The following SNAP91 variants were observed in gnomAD, a reference collection of about 807,000 sequenced individuals.
SNAP91 encodes the protein synaptosome associated protein 91.
In SNAP91, 27 loss-of-function variants were observed where a neutral mutation model predicts 100.3. The ratio of observed to expected loss-of-function variants is 0.27; its 90% CI spans 0.20 to 0.37. The LOEUF is 0.37. Ranked by LOEUF, SNAP91 falls within the 10% of genes least tolerant of loss-of-function variation. The pLI, the probability that SNAP91 is intolerant of heterozygous loss-of-function variation, is 1.00. For synonymous variants in SNAP91, 404 were observed against 398.6 expected (o/e 1.01, Z -0.16); for missense variants, 986 against 1,123.7 (o/e 0.88, Z 1.75).
chr6:83,706,138 A>C (rs1376191783), intron 2 of SNAP91, among the ~76,000 whole-genome samples: 1 of 152,234 alleles, frequency 6.6e-6, no homozygotes, highest in Admixed American at 6.5e-5. Flanking sequence ...ATGATGTTTT[A>C]ATGAAATGTT....
chr6:83,611,104 TG>T (rs2096028330), intron 11 of SNAP91, among the ~76,000 whole-genome samples: 1 of 151,956 alleles, frequency 6.6e-6, no homozygotes, highest in Non-Finnish European at 1.5e-5. Flanking sequence ...CAACACCCAG[TG>T]GTTTAAATCA....
At chr6:83,602,202 C>A (rs962945237) in intron 14 of SNAP91, among the ~76,000 whole-genome samples, 1 of 152,080 alleles carries the variant, frequency 6.6e-6, no homozygotes, top group Non-Finnish European at 1.5e-5. Context: ...GGGTTCATCA[C>A]CAGCCTGTAG....
Position 83,641,095 on chromosome 6 carries a change from C to T in SNAP91, c.765+1G>A. The T allele has an allele frequency of 6.8e-7, 1 of 1,478,162 alleles. No individual in the cohort carries two copies. 91.6% of individuals were successfully genotyped at this position (1,478,162 alleles called of 1,614,324 possible). On this transcript the variant is annotated splice_donor_variant, in intron 8 of 29. Coordinates refer to ENST00000369694, the MANE Select transcript of SNAP91 (RefSeq NM_001242792.2). LOFTEE classifies it high-confidence loss of function. ...TCCCAAGAAAACTTAATATTACTTA[C>T]CTCTGCAACCTTGAGAAATTCAGAC...
At chr6:83,582,561 TAATTAG>T (rs1830014459) in intron 22 of SNAP91, among the ~76,000 whole-genome samples, 1 of 152,194 alleles carries the variant, frequency 6.6e-6, no homozygotes, top group South Asian at 2.1e-4. Context: ...AGATTTAATT[TAATTAG>T]AAATAAGATA....
rs12208676 is a variant in SNAP91, at chr6:83,560,882, A to G, written c.2508T>C (p.Pro836=). ...CACTCACCATTCCAAATCCTGCTCC[A>G]GGTTGTCCAACCGATGGGGCCCCGG... The part of the protein sequence containing the change: ...PVAGAPSVGQ[P]GAGFGMPPAG... Residue 836 remains proline, a synonymous_variant, in exon 27 of 30, where the codon CCT becomes CCC. Coordinates refer to ENST00000369694, the MANE Select transcript of SNAP91 (RefSeq NM_001242792.2). 5.9e-3 allele frequency: 9,504 copies of G among 1,613,732 alleles called. 36 individuals carry two copies. Among genetic ancestry groups the G allele is most frequent in the Non-Finnish European group, 7.1e-3 (8,373 of 1,179,752 alleles).
chr6:83,665,014 A>C (rs887341254), intron 3 of SNAP91, among the ~76,000 whole-genome samples: 1 of 152,100 alleles, frequency 6.6e-6, no homozygotes, highest in Non-Finnish European at 1.5e-5. Context: ...TTTGATAATA[A>C]TTTTTTAGCA....
intron 2 of SNAP91, among the ~76,000 whole-genome samples, chr6:83,706,802 A>G (rs1157745583): frequency 6.6e-6 from 1 of 152,218 alleles, no homozygotes; most frequent in Non-Finnish European, 1.5e-5. Flanking sequence ...AAAACATCAC[A>G]ATAGAACAGA....
At chr6:83,604,849 T>C (rs548637517) in intron 14 of SNAP91, among the ~76,000 whole-genome samples, 16 of 152,288 alleles carry the variant, frequency 1.1e-4, no homozygotes, top group African/African-American at 3.8e-4. Context: ...AAAATGTTCT[T>C]TGAGACAGCT....
chr6:83,581,653 G>C (rs1828702757), intron 23 of SNAP91, among the ~76,000 whole-genome samples: 1 of 152,114 alleles, frequency 6.6e-6, no homozygotes, highest in Non-Finnish European at 1.5e-5. Flanking sequence ...ATTTATTTAG[G>C]GTGTTTCTGA....
chr6:83,586,424 T>C (rs1350993660), intron 22 of SNAP91, among the ~76,000 whole-genome samples: 1 of 152,216 alleles, frequency 6.6e-6, no homozygotes, highest in Non-Finnish European at 1.5e-5. Flanking sequence ...AATTCTCTTA[T>C]ACTAGTACAG....
chr6:83,707,947 C>CGAG lies in SNAP91; in HGVS notation c.-21_-20insCTC. The CGAG allele has an allele frequency of 6.4e-7, 1 of 1,562,518 alleles. No individual in the cohort carries two copies. Among genetic ancestry groups the CGAG allele is most frequent in the Non-Finnish European group, 8.6e-7 (1 of 1,162,262 alleles). On this transcript the variant is annotated 5_prime_UTR_variant, in exon 2 of 30. Coordinates refer to ENST00000369694, the MANE Select transcript of SNAP91 (RefSeq NM_001242792.2). ...CGACATCTTCTGTGGTCGCGTCTAC[C>CGAG]GCCTCCTCTTCTGCAGGAAACAAGG...
intron 7 of SNAP91, among the ~76,000 whole-genome samples, chr6:83,644,827 C>G (rs565375668): frequency 6.6e-6 from 1 of 152,280 alleles, no homozygotes; most frequent in East Asian, 1.9e-4. Flanking sequence ...AAATCCTTGA[C>G]TAAAATTAAC....
At chr6:83,575,207 T>A in intron 25 of SNAP91, 86 bp from the exon 26 acceptor site, 1 of 960,662 alleles carries the variant, frequency 1.0e-6, no homozygotes. Flanking sequence ...ATTATTTTAT[T>A]TGGGTTTAAA....
intron 22 of SNAP91, 91 bp downstream of exon 22, chr6:83,591,120 G>A: frequency 1.2e-6 from 1 of 829,086 alleles, no homozygotes. Context: ...AAGAAAACAT[G>A]CACCCTGCAA....
intron 26 of SNAP91, among the ~76,000 whole-genome samples, chr6:83,573,870 AC>A (rs1813188301): frequency 6.6e-6 from 1 of 152,216 alleles, no homozygotes; most frequent in South Asian, 2.1e-4. Context: ...CCTAGGCAAT[AC>A]CATTCAGGAC....
chr6:83,588,494 ATT>A (rs1002876952), intron 22 of SNAP91, among the ~76,000 whole-genome samples: 1 of 152,158 alleles, frequency 6.6e-6, no homozygotes, highest in African/African-American at 2.4e-5. Flanking sequence ...GAATAATTTT[ATT>A]TTTTGTAAAG....
At chr6:83,586,810 C>T (rs556906495) in intron 22 of SNAP91, among the ~76,000 whole-genome samples, 1 of 151,980 alleles carries the variant, frequency 6.6e-6, no homozygotes, top group African/African-American at 2.4e-5. Context: ...TGCTTCCCCC[C>T]ACCCCCATTA....
intron 2 of SNAP91, among the ~76,000 whole-genome samples, chr6:83,692,781 G>C (rs2099147994): frequency 6.6e-6 from 1 of 152,118 alleles, no homozygotes; most frequent in African/African-American, 2.4e-5. Context: ...TGAGGGGTGA[G>C]ACTGGCTCAA....
At chr6:83,667,542 G>A (rs2098708642) in intron 2 of SNAP91, among the ~76,000 whole-genome samples, 1 of 151,678 alleles carries the variant, frequency 6.6e-6, no homozygotes, top group Non-Finnish European at 1.5e-5. Context: ...AGTATTATTT[G>A]TATTAACATG....
Sources: gnomAD v4.1 joint callset for allele counts (sites outside exome capture counted in the v4.1 genomes callset) on GRCh38, gnomAD v4.1.1 for gene constraint, MANE v1.5 for transcripts, NCBI Gene and HGNC (gene_info 2026-07-23, HGNC 2026-07-21) for gene names.